Variants in OFD1 observed in about 807,000 individuals in gnomAD.
OFD1 encodes the protein OFD1 centriole and centriolar satellite protein.
In OFD1, 12 loss-of-function variants were observed where a neutral mutation model predicts 81.4. The observed-to-expected ratio is 0.15, with a 90% confidence interval of 0.09 to 0.24. The LOEUF is 0.24. Ranked by LOEUF, OFD1 falls within the 10% of genes least tolerant of loss-of-function variation. The probability of loss-of-function intolerance (pLI) is 1.00; values close to 1 mark genes in which losing one functional copy is unlikely to be tolerated. For synonymous variants in OFD1, 256 were observed against 263.7 expected (o/e 0.97, Z 0.28); for missense variants, 685 against 733.9 (o/e 0.93, Z 0.77).
intron 5 of OFD1, 190 bp downstream of exon 5, chrX:13,739,222 G>T: frequency 2.5e-6 from 1 of 395,864 alleles, no homozygotes; most frequent in Admixed American, 4.5e-5. Context: ...AAAAACTGTA[G>T]ACAGTATCAA....
chrX:13,727,800 T>C, the OFD1 span, among the ~76,000 whole-genome samples: 5 of 111,599 alleles, frequency 4.5e-5, no homozygotes, highest in East Asian at 1.4e-3. Context: ...AAAAAATCAA[T>C]GAATCCAGGA....
intron 21 of OFD1, 66 bp downstream of exon 21, chrX:13,768,290 C>T: frequency 1.2e-6 from 1 of 856,451 alleles, no homozygotes. Context: ...GGCTTAACTT[C>T]TTGGGACGGG....
At chrX:13,761,803 C>T (rs999493722) in intron 17 of OFD1, among the ~76,000 whole-genome samples, 5 of 110,455 alleles carry the variant, frequency 4.5e-5, no homozygotes, top group African/African-American at 1.7e-4. Context: ...CATACCTGGG[C>T]CCCACAGCAG....
chrX:13,733,798 A>G (rs2046738043), upstream of OFD1, among the ~76,000 whole-genome samples: 1 of 106,341 alleles, frequency 9.4e-6, no homozygotes, highest in Non-Finnish European at 1.9e-5. Context: ...CCTTCCTGTG[A>G]TGTTCTCCTT....
upstream of OFD1, among the ~76,000 whole-genome samples, chrX:13,730,180 A>C (rs2046644015): frequency 9.0e-6 from 1 of 110,759 alleles, no homozygotes; most frequent in Non-Finnish European, 1.9e-5. Context: ...CATCTGACGA[A>C]GGGCTAATAT....
chrX:13,747,740 A>C (rs1228592300), intron 8 of OFD1, among the ~76,000 whole-genome samples: 2 of 111,670 alleles, frequency 1.8e-5, no homozygotes, highest in Non-Finnish European at 3.8e-5. Context: ...AACCAAATGC[A>C]GTATGCTGCC....
chrX:13,755,622 T>A (rs766506858), intron 12 of OFD1, among the ~76,000 whole-genome samples: 1 of 112,226 alleles, frequency 8.9e-6, no homozygotes, highest in Non-Finnish European at 1.9e-5. Flanking sequence ...TTACTATTAG[T>A]TTCTACATCA....
chrX:13,729,765 G>A (rs1407527562), upstream of OFD1, among the ~76,000 whole-genome samples: 3 of 110,998 alleles, frequency 2.7e-5, no homozygotes, highest in African/African-American at 9.9e-5. Flanking sequence ...AAACTTAGCC[G>A]GGCGTGGTGG....
intron 19 of OFD1, among the ~76,000 whole-genome samples, chrX:13,766,852 G>A (rs764098999): frequency 9.0e-6 from 1 of 111,588 alleles, no homozygotes; most frequent in South Asian, 3.8e-4. Flanking sequence ...CTGTGAAGAG[G>A]ATGAGAACAT....
chrX:13,725,857 T>A, the OFD1 span, among the ~76,000 whole-genome samples: 1 of 111,409 alleles, frequency 9.0e-6, no homozygotes, highest in Non-Finnish European at 1.9e-5. Context: ...GCTAAAAACC[T>A]TGAAAAAAGA....
Position 13,760,535 on chromosome X carries a change from T to C in OFD1, c.2075T>C (p.Phe692Ser), listed in dbSNP as rs746733562. Reference protein sequence around the residue: ...ITSSSPERHIFGEDRVVSEQP... With the variant: ...ITSSSPERHISGEDRVVSEQP... Reference sequence around the variant, plus strand: ...TCCAGTTCCCCGGAAAGACATATTTTTGGAGAGGACAGAGTTGTCTCTGAG... The same window carrying C: ...TCCAGTTCCCCGGAAAGACATATTTCTGGAGAGGACAGAGTTGTCTCTGAG... Residue 692 changes from phenylalanine to serine, a missense_variant, in exon 16 of 23, where the codon TTT becomes TCT. Phe to Ser is a radical substitution (Grantham distance 155). Transcript: ENST00000340096. 2 of 1,175,446 alleles carry C rather than the reference T, an allele frequency of 1.7e-6. No homozygotes were observed. Among genetic ancestry groups the C allele is most frequent in the Admixed American group, 5.1e-5 (2 of 39,095 alleles).
chrX:13,766,971 C>T (rs1466083214), intron 19 of OFD1, among the ~76,000 whole-genome samples, 156 bp from the exon 20 acceptor site: 2 of 110,550 alleles, frequency 1.8e-5, no homozygotes, highest in Non-Finnish European at 3.8e-5. Flanking sequence ...AGCTTGAAGT[C>T]GGTGAAAATG....
chrX:13,751,906 T>C (rs1244080593), intron 10 of OFD1, among the ~76,000 whole-genome samples: 1 of 112,329 alleles, frequency 8.9e-6, no homozygotes, highest in East Asian at 2.8e-4. Flanking sequence ...CTAACGTTTA[T>C]TGTGGGCTGT....
chrX:13,722,346 C>T, the OFD1 span: 1 of 110,220 alleles, frequency 9.1e-6, no homozygotes, highest in Admixed American at 9.7e-5. Context: ...CAGCATGGCG[C>T]TAAGTCAGCA....
At chrX:13,736,303 CAA>C in intron 2 of OFD1, 173 bp from the exon 3 acceptor site, 1 of 1,088,300 alleles carries the variant, frequency 9.2e-7, no homozygotes, top group South Asian at 2.3e-5. Context: ...CGGGGTAAGA[CAA>C]AGTGTGCAGG....
intron 3 of OFD1, among the ~76,000 whole-genome samples, chrX:13,737,942 T>G (rs1488670809): frequency 9.0e-6 from 1 of 111,334 alleles, no homozygotes. Flanking sequence ...CTCTGCCTCC[T>G]GTGTTCAAGC....
the OFD1 span, among the ~76,000 whole-genome samples, chrX:13,725,470 G>A: frequency 1.5e-4 from 17 of 112,366 alleles, no homozygotes; most frequent in Non-Finnish European, 2.8e-4. Flanking sequence ...AACGGGGTCT[G>A]GAGTGGACCT....
At chrX:13,730,799 G>C (rs1444410022), upstream of OFD1, among the ~76,000 whole-genome samples, 1 of 109,380 alleles carries the variant, frequency 9.1e-6, no homozygotes, top group Non-Finnish European at 1.9e-5. Flanking sequence ...CCATCATTCT[G>C]AGCAAACTAT....
chrX:13,746,117 A>G (rs1263726978), intron 6 of OFD1, among the ~76,000 whole-genome samples: 4 of 112,439 alleles, frequency 3.6e-5, no homozygotes, highest in South Asian at 3.7e-4. Context: ...AGATGTCACT[A>G]TTACACTTGT....
Sources: gnomAD v4.1 joint callset for allele counts (sites outside exome capture counted in the v4.1 genomes callset) on GRCh38, gnomAD v4.1.1 for gene constraint, MANE v1.5 for transcripts, NCBI Gene and HGNC (gene_info 2026-07-23, HGNC 2026-07-21) for gene names.